The following EPB41L2 variants were observed in gnomAD, a reference collection of about 807,000 sequenced individuals.
The protein encoded by EPB41L2 is erythrocyte membrane protein band 4.1 like 2, also known as band 4.1-like protein 2.
In EPB41L2, 43 loss-of-function variants were observed where a neutral mutation model predicts 113.0. The observed-to-expected ratio is 0.38, with a 90% CI of 0.30 to 0.49. EPB41L2 has a LOEUF of 0.49. Ranked by LOEUF, EPB41L2 falls within the 20% of genes least tolerant of loss-of-function variation. The pLI is 0.95. For missense variants in EPB41L2, 1,147 were observed against 1,223.4 expected, an observed-to-expected ratio of 0.94 and a Z score of 0.93; for synonymous variants, 442 against 436.7, an observed-to-expected ratio of 1.01 and a Z score of -0.15.
rs578043744 is a variant in EPB41L2, at chr6:130,944,687, T to C, written c.705+10418A>G. ...ATGTGGAGTTGGTAGGGTCAGAAAC[T>C]GGAAGGAAGGCCAGGCAACTCAGCA... On this transcript the variant is annotated intron_variant, in intron 3 of 19. Coordinates refer to ENST00000337057, the MANE Select transcript of EPB41L2 (RefSeq NM_001431.4). 8.2e-4 allele frequency among the ~76,000 whole-genome samples: 125 copies of C among 152,084 alleles called. 1 individual carries two copies. Among genetic ancestry groups the C allele is most frequent in the Non-Finnish European group, 1.1e-3 (75 of 68,016 alleles).
intron 17 of EPB41L2, among the ~76,000 whole-genome samples, 155 bp from the exon 18 acceptor site, chr6:130,863,873 G>A (rs1231261069): frequency 6.6e-6 from 1 of 152,152 alleles, no homozygotes; most frequent in Non-Finnish European, 1.5e-5. Context: ...GAAACACTTT[G>A]TGCTTTATTT....
At chr6:130,974,322 CTG>C (rs988202153) in intron 1 of EPB41L2, among the ~76,000 whole-genome samples, 19 of 151,882 alleles carry the variant, frequency 1.3e-4, no homozygotes, top group African/African-American at 4.6e-4. Flanking sequence ...CTTAGAGTAA[CTG>C]TGAGAAATAA....
intron 1 of EPB41L2, among the ~76,000 whole-genome samples, chr6:131,043,311 GATAA>G (rs1310805425): frequency 1.3e-5 from 2 of 151,586 alleles, no homozygotes; most frequent in Non-Finnish European, 2.9e-5. Flanking sequence ...AAAAAATAAA[GATAA>G]ATAAATAAAT....
At chr6:131,000,011 CCT>C (rs1192452931) in intron 1 of EPB41L2, among the ~76,000 whole-genome samples, 1 of 152,076 alleles carries the variant, frequency 6.6e-6, no homozygotes, top group Non-Finnish European at 1.5e-5. Flanking sequence ...TGAATTTACC[CCT>C]CAGTGTTTTC....
chr6:130,903,755 T>C (rs1026387650), intron 6 of EPB41L2, among the ~76,000 whole-genome samples: 2 of 152,154 alleles, frequency 1.3e-5, no homozygotes, highest in African/African-American at 4.8e-5. Flanking sequence ...GTAATCAGGC[T>C]AAGATTTCAA....
At chr6:130,968,283 A>G (rs1775857533) in intron 1 of EPB41L2, among the ~76,000 whole-genome samples, 1 of 152,212 alleles carries the variant, frequency 6.6e-6, no homozygotes, top group African/African-American at 2.4e-5. Context: ...AAGCTTGTCA[A>G]AGTCAATCAA....
intron 3 of EPB41L2, among the ~76,000 whole-genome samples, chr6:130,941,279 A>G (rs1392568266): frequency 6.6e-6 from 1 of 152,160 alleles, no homozygotes; most frequent in Non-Finnish European, 1.5e-5. Context: ...AACTTTTTCT[A>G]CTACTCACTT....
At chr6:130,944,840 C>T (rs1259732788) in intron 3 of EPB41L2, among the ~76,000 whole-genome samples, 4 of 152,144 alleles carry the variant, frequency 2.6e-5, no homozygotes, top group Non-Finnish European at 5.9e-5. Flanking sequence ...CGAGGTCCAG[C>T]TAAGGAGTGA....
chr6:131,051,470 A>AC (rs1160901995), intron 1 of EPB41L2, among the ~76,000 whole-genome samples: 1 of 136,098 alleles, frequency 7.3e-6, no homozygotes, highest in African/African-American at 2.9e-5. Context: ...AAAAAAACAC[A>AC]CACACACACA....
intron 1 of EPB41L2, among the ~76,000 whole-genome samples, chr6:130,971,679 C>T (rs1214311896): frequency 6.6e-6 from 1 of 152,148 alleles, no homozygotes; most frequent in Non-Finnish European, 1.5e-5. Flanking sequence ...ACTTATGAAT[C>T]GCTTGTTTCT....
At chr6:130,954,138 C>T (rs1347286525) in intron 3 of EPB41L2, among the ~76,000 whole-genome samples, 16 of 146,262 alleles carry the variant, frequency 1.1e-4, no homozygotes, top group African/African-American at 2.7e-4. Flanking sequence ...CCACAAGCTC[C>T]GCCTCCCGGG....
rs1015096992 is a variant in EPB41L2, at chr6:130,880,313, A to G, written c.1834-107T>C. On this transcript the variant is annotated intron_variant, in intron 12 of 19. Transcript: ENST00000337057. ...GTTCGACAGTCTAAGACATTAAAAT[A>G]AAAGAGGAATACAAATCTTATGAAC... 1.5e-4 allele frequency: 108 copies of G among 720,878 alleles called. No homozygotes were observed. In the African/African-American group the frequency reaches 1.8e-3, roughly 12 times the overall value. 44.7% of individuals were successfully genotyped at this position (720,878 alleles called of 1,614,324 possible).
At chr6:130,899,064 T>G (rs1474126502) in intron 8 of EPB41L2, among the ~76,000 whole-genome samples, 2 of 152,084 alleles carry the variant, frequency 1.3e-5, no homozygotes, top group East Asian at 3.9e-4. Flanking sequence ...AAACATAAGC[T>G]TTTTGGAAAG....
chr6:131,058,248 T>C (rs1294423437), intron 1 of EPB41L2, among the ~76,000 whole-genome samples: 8 of 152,190 alleles, frequency 5.3e-5, no homozygotes, highest in Non-Finnish European at 1.0e-4. Context: ...ATAGATCACA[T>C]GAAATCTATT....
At chr6:131,001,645 C>A (rs1784404054) in intron 1 of EPB41L2, among the ~76,000 whole-genome samples, 1 of 152,166 alleles carries the variant, frequency 6.6e-6, no homozygotes, top group Non-Finnish European at 1.5e-5. Flanking sequence ...GTATAACCAA[C>A]TTTGCAAAAT....
chr6:130,895,866 A>G (rs1011308919), intron 8 of EPB41L2, among the ~76,000 whole-genome samples: 3 of 152,230 alleles, frequency 2.0e-5, no homozygotes, highest in Non-Finnish European at 4.4e-5. Flanking sequence ...AAAACCAAAC[A>G]AATTTACAGG....
intron 1 of EPB41L2, among the ~76,000 whole-genome samples, chr6:131,016,795 G>A (rs1788332593): frequency 6.6e-6 from 1 of 151,504 alleles, no homozygotes; most frequent in South Asian, 2.1e-4. Flanking sequence ...GGGTGACATA[G>A]GGAGACTCTC....
At chr6:131,046,556 C>T (rs1795500814) in intron 1 of EPB41L2, among the ~76,000 whole-genome samples, 1 of 152,152 alleles carries the variant, frequency 6.6e-6, no homozygotes, top group Non-Finnish European at 1.5e-5. Context: ...AACAATAGCC[C>T]AATATTCCAA....
intron 3 of EPB41L2, among the ~76,000 whole-genome samples, chr6:130,937,495 A>G (rs1310889801): frequency 6.6e-6 from 1 of 152,144 alleles, no homozygotes; most frequent in Non-Finnish European, 1.5e-5. Flanking sequence ...TAATAAATCA[A>G]ATGCTCAATT....
Sources: gnomAD v4.1 joint callset for allele counts (sites outside exome capture counted in the v4.1 genomes callset) on GRCh38, gnomAD v4.1.1 for gene constraint, MANE v1.5 for transcripts, NCBI Gene and HGNC (gene_info 2026-07-23, HGNC 2026-07-21) for gene names.